RRM2B: variants seen among roughly 807,000 people sequenced by gnomAD.
The protein encoded by RRM2B is ribonucleotide reductase regulatory TP53 inducible subunit M2B, also known as ribonucleoside-diphosphate reductase subunit M2 B.
A neutral mutation model predicts 45.9 loss-of-function variants in RRM2B; 20 were observed. The observed-to-expected ratio is 0.44, with a 90% CI of 0.31 to 0.63. RRM2B has a LOEUF of 0.63. Among genes scored for constraint, RRM2B ranks in the 30% least tolerant of loss-of-function variants. RRM2B has a pLI of 0.09. For synonymous variants in RRM2B, 124 were observed against 132.3 expected, an observed-to-expected ratio of 0.94 and a Z score of 0.43; for missense variants, 320 against 414.7, an observed-to-expected ratio of 0.77 and a Z score of 1.98.
At chr8:102,224,005 C>G in intron 5 of RRM2B, 41 bp downstream of exon 5, 1 of 1,382,818 alleles carries the variant, frequency 7.2e-7, no homozygotes, top group Non-Finnish European at 1.0e-6. Flanking sequence ...TGTCATATCA[C>G]CTTAGGCAAA....
chr8:102,236,916 C>G (rs1022229308), intron 1 of RRM2B, among the ~76,000 whole-genome samples: 1 of 152,202 alleles, frequency 6.6e-6, no homozygotes, highest in Non-Finnish European at 1.5e-5. Context: ...CCAATCTAGG[C>G]TGGCATCATA....
rs568039559 is a variant in RRM2B at position 102,206,861 on chromosome 8, A to G, written c.*1272T>C. The G allele has an allele frequency of 6.6e-6, 1 of 152,274 alleles. No individual in the cohort carries two copies. The highest frequency in any genetic ancestry group is 2.4e-5 in the African/African-American group (1 of 41,560). 9.4% of individuals were successfully genotyped at this position (152,274 alleles called of 1,614,324 possible). The stretch of plus-strand genomic sequence containing the variant: ...CTCACCATTGGCTATCATGTTGCAT[A>G]GTCACATTAAAAGAACTATCTCTTA... On this transcript the variant is annotated 3_prime_UTR_variant, in exon 9 of 9. Coordinates refer to ENST00000251810, the MANE Select transcript of RRM2B (RefSeq NM_015713.5).
At chr8:102,238,087 C>CTT (rs1215644851) in intron 1 of RRM2B, among the ~76,000 whole-genome samples, 1 of 152,230 alleles carries the variant, frequency 6.6e-6, no homozygotes, top group African/African-American at 2.4e-5. Context: ...ATCCTACAGT[C>CTT]TAACAAATTC....
intron 6 of RRM2B, 55 bp downstream of exon 6, chr8:102,218,759 A>T: frequency 7.1e-7 from 1 of 1,409,668 alleles, no homozygotes; most frequent in Non-Finnish European, 9.9e-7. Flanking sequence ...AAAGAAAAAT[A>T]GATGAACATC....
At chr8:102,235,487 C>T (rs899357490) in intron 1 of RRM2B, among the ~76,000 whole-genome samples, 1 of 152,150 alleles carries the variant, frequency 6.6e-6, no homozygotes, top group Non-Finnish European at 1.5e-5. Flanking sequence ...CCAAGCCAGG[C>T]GACAACAACA....
chr8:102,216,990 G>A (rs1810741028), intron 6 of RRM2B, among the ~76,000 whole-genome samples: 1 of 151,904 alleles, frequency 6.6e-6, no homozygotes, highest in Admixed American at 6.6e-5. Context: ...TACTTTTTGT[G>A]ATCAAGCTTA....
intron 1 of RRM2B, among the ~76,000 whole-genome samples, chr8:102,232,800 T>TAATACTTATCTG (rs1811055199): frequency 6.6e-6 from 1 of 152,226 alleles, no homozygotes; most frequent in African/African-American, 2.4e-5. Flanking sequence ...TGAAATAATA[T>TAATACTTATCTG]AATACTTATC....
chr8:102,224,196 T>G, intron 4 of RRM2B, 56 bp from the exon 5 acceptor site: 1 of 1,275,514 alleles, frequency 7.8e-7, no homozygotes, highest in Non-Finnish European at 1.1e-6. Flanking sequence ...CTTTTTTTTT[T>G]TTTGAGACAG....
intron 1 of RRM2B, 124 bp downstream of exon 1, chr8:102,238,703 G>A (rs1811173439): frequency 1.9e-6 from 3 of 1,564,962 alleles, no homozygotes; most frequent in Non-Finnish European, 2.6e-6. Context: ...AGGCTGCGGC[G>A]AGGGCGGGCG....
intron 1 of RRM2B, 23 bp downstream of exon 1, chr8:102,238,804 G>A (rs1355318608): frequency 1.9e-6 from 3 of 1,613,662 alleles, no homozygotes; most frequent in Non-Finnish European, 8.5e-7. Context: ...CGGTGAGGGG[G>A]AAGACGCAAC....
intron 7 of RRM2B, 98 bp downstream of exon 7, chr8:102,213,956 T>C (rs1218218573): frequency 1.2e-6 from 1 of 827,202 alleles, no homozygotes; most frequent in African/African-American, 1.7e-5. Context: ...ATTGCTGGTA[T>C]TTTTATTGAC....
intron 1 of RRM2B, among the ~76,000 whole-genome samples, chr8:102,236,624 C>T (rs1026461650): frequency 6.6e-6 from 1 of 152,020 alleles, no homozygotes; most frequent in Non-Finnish European, 1.5e-5. Flanking sequence ...AGGCACTGGT[C>T]TAATGAAGGA....
intron 6 of RRM2B, 147 bp from the exon 7 acceptor site, chr8:102,214,305 T>A (rs1810687900): frequency 4.5e-6 from 3 of 669,800 alleles, no homozygotes; most frequent in South Asian, 3.1e-5. Context: ...ACTAGGAACT[T>A]CCTTCTTTCA....
At chr8:102,234,922 G>C (rs1280459341) in intron 1 of RRM2B, 1 of 153,670 alleles carries the variant, frequency 6.5e-6, no homozygotes, top group African/African-American at 2.4e-5. Flanking sequence ...AAATTTCAAA[G>C]CTCATGGGTA....
chr8:102,230,409 T>C (rs1811007549), intron 2 of RRM2B, among the ~76,000 whole-genome samples: 1 of 152,232 alleles, frequency 6.6e-6, no homozygotes, highest in Non-Finnish European at 1.5e-5. Flanking sequence ...TGCAAGTTAA[T>C]TTCCAAATGA....
chr8:102,237,635 T>A (rs1811143710), intron 1 of RRM2B, among the ~76,000 whole-genome samples: 1 of 152,220 alleles, frequency 6.6e-6, no homozygotes, highest in Non-Finnish European at 1.5e-5. Flanking sequence ...CGGGTCTGTA[T>A]CATTGAGATA....
intron 2 of RRM2B, among the ~76,000 whole-genome samples, chr8:102,229,451 A>G (rs1810991009): frequency 6.6e-6 from 1 of 152,236 alleles, no homozygotes; most frequent in Admixed American, 6.5e-5. Context: ...AGCACTGGGG[A>G]TACAACGGAG....
chr8:102,238,632 G>C, intron 1 of RRM2B, 195 bp downstream of exon 1: 1 of 1,533,018 alleles, frequency 6.5e-7, no homozygotes, highest in South Asian at 1.2e-5. Flanking sequence ...CAAACCCAAA[G>C]TCAGCTCCTT....
intron 2 of RRM2B, among the ~76,000 whole-genome samples, chr8:102,229,603 C>T (rs1269020391): frequency 2.9e-5 from 4 of 138,246 alleles, no homozygotes; most frequent in Admixed American, 2.2e-4. Flanking sequence ...GGTTTTTTTT[C>T]GGAGACAGTC....
Sources: allele counts gnomAD v4.1 joint callset (sites outside exome capture counted in the v4.1 genomes callset), GRCh38; gene constraint gnomAD v4.1.1; transcripts MANE v1.5; gene names NCBI Gene and HGNC (gene_info 2026-07-23, HGNC 2026-07-21).